Variants in EIF4A2 observed in about 807,000 individuals in gnomAD.
EIF4A2 encodes the protein eukaryotic translation initiation factor 4A2.
In EIF4A2, 9 loss-of-function variants were observed where a neutral mutation model predicts 50.6. The observed-to-expected ratio is 0.18, with a 90% CI of 0.11 to 0.31. The LOEUF (loss-of-function observed/expected upper bound fraction) is 0.31, where lower values mean the gene tolerates loss of function less well. EIF4A2 is among the 10% of genes least tolerant of loss of function. The pLI is 1.00. For synonymous variants in EIF4A2, 215 were observed against 164.4 expected (o/e 1.31, Z -2.35); for missense variants, 182 against 501.8 (o/e 0.36, Z 6.09).
chr3:186,786,328 G>T, intron 6 of EIF4A2, 55 bp downstream of exon 6: 1 of 1,557,156 alleles, frequency 6.4e-7, no homozygotes. Flanking sequence ...ATTTAATGCA[G>T]GTACTGTTAC....
intron 4 of EIF4A2, chr3:186,785,622 A>G: frequency 2.3e-6 from 1 of 440,086 alleles, no homozygotes. Context: ...ACAGTGAAGA[A>G]TAATGTAGGA....
At position 186,786,230 on chromosome 3, in the gene EIF4A2, A is replaced by T. The variant is rs1248522662; in HGVS notation, c.584A>T (p.Asp195Val). The change falls in exon 6 of 11, where the codon GAT (aspartate) becomes GTT (valine). Residue 195 changes from aspartate to valine, a missense_variant. By Grantham distance (152) the Asp-to-Val change is radical (BLOSUM62 -3). Around this residue, in one of 7 missense-constraint regions of EIF4A2, gnomAD observed 113 missense variants for 357.3 expected, o/e 0.32. Transcript: ENST00000323963. ...GAAATGTTGAGCCGTGGTTTTAAGG[A>T]TCAAATCTATGAGATTTTCCAAAAA... Reference protein sequence around the residue: ...ADEMLSRGFKDQIYEIFQKLN... With the variant: ...ADEMLSRGFKVQIYEIFQKLN... 1 of 1,613,838 alleles carries T rather than the reference A, an allele frequency of 6.2e-7. No individual in the cohort carries two copies. The highest frequency in any genetic ancestry group is 8.5e-7 in the Non-Finnish European group (1 of 1,179,958).
At chr3:186,785,662 C>T (rs180726206) in intron 4 of EIF4A2, 9 of 507,824 alleles carry the variant, frequency 1.8e-5, no homozygotes, top group Admixed American at 6.6e-5. Context: ...CTAGCTGATG[C>T]GTGGAGCAGC....
In EIF4A2 at chr3:186,784,553, C is replaced by T; in HGVS notation, c.76-11C>T. The T allele has an allele frequency of 6.2e-7, 1 of 1,614,132 alleles. No individual in the cohort carries two copies. Among genetic ancestry groups the T allele is most frequent in the Non-Finnish European group, 8.5e-7 (1 of 1,180,002 alleles). The stretch of plus-strand genomic sequence containing the variant: ...CTCATTTATGCGTGCATTATTTTTT[C>T]TAACTTACAGAGCAACTGGAATGAG... On this transcript the variant is annotated splice_polypyrimidine_tract_variant and intron_variant, in intron 2 of 10. Transcript: ENST00000323963.
chr3:186,788,706 T>C (rs1189725589), intron 10 of EIF4A2: 2 of 232,978 alleles, frequency 8.6e-6, no homozygotes, highest in East Asian at 1.1e-4. Context: ...AGTTAACCTT[T>C]GCAGCATTTG....
intron 1 of EIF4A2, chr3:186,784,131 C>G (rs1474174504): frequency 1.4e-5 from 7 of 513,792 alleles, no homozygotes; most frequent in Non-Finnish European, 2.1e-5. Flanking sequence ...CCGCTCCGCC[C>G]GCGTCAATCA....
In EIF4A2 at chr3:186,789,370, C is replaced by G. The variant is rs753529473; in HGVS notation, c.*101C>G. On this transcript the variant is annotated 3_prime_UTR_variant, in exon 11 of 11. Coordinates refer to ENST00000323963, the MANE Select transcript of EIF4A2 (RefSeq NM_001967.4). ...CTTTGGGAATATTTGAATCTTGTCT[C>G]AATGCTCATAACGGATCAGAAATAC... is the stretch of plus-strand genomic sequence containing the variant. The G allele has an allele frequency of 6.8e-7, 1 of 1,474,288 alleles. No individual in the cohort carries two copies. Among genetic ancestry groups the G allele is most frequent in the African/African-American group, 1.4e-5 (1 of 70,614 alleles). 91.3% of individuals were successfully genotyped at this position (1,474,288 alleles called of 1,614,324 possible).
chr3:186,788,387 G>A lies in EIF4A2; in HGVS notation c.1079+505G>A, dbSNP rs1721896448. The stretch of plus-strand genomic sequence containing the variant: ...TAATTTAGGACGTGGAATCATAAGC[G>A]AAACAGCACACTGTTTGAATAAAGA... On this transcript the variant is annotated intron_variant, in intron 10 of 10. Transcript: ENST00000323963. 6.2e-6 allele frequency: 8 copies of A among 1,287,364 alleles called. No individual in the cohort carries two copies. In the South Asian group the frequency reaches 8.7e-5, roughly 14 times the overall value. 79.7% of individuals were successfully genotyped at this position (1,287,364 alleles called of 1,614,324 possible). A position where few individuals can be genotyped will look rare whatever the true frequency, so the allele number is the denominator to read the frequency against.
chr3:186,785,251 T>A (rs1721622960), intron 4 of EIF4A2, 150 bp downstream of exon 4: 1 of 1,190,504 alleles, frequency 8.4e-7, no homozygotes, highest in Non-Finnish European at 1.2e-6. Context: ...TGTTGAAAGT[T>A]TTAAAAGAAC....
chr3:186,789,709 A>C lies in EIF4A2; in HGVS notation c.*440A>C, dbSNP rs1722002803. The C allele has an allele frequency of 2.6e-6, 1 of 390,186 alleles. No homozygotes were observed. The highest frequency in any genetic ancestry group is 4.1e-5 in the East Asian group (1 of 24,386). 24.2% of individuals were successfully genotyped at this position (390,186 alleles called of 1,614,324 possible). On this transcript the variant is annotated 3_prime_UTR_variant, in exon 11 of 11. Coordinates refer to ENST00000323963, the MANE Select transcript of EIF4A2 (RefSeq NM_001967.4). The stretch of plus-strand genomic sequence containing the variant: ...GGCCTTTAAAATTTTTTTAGAAAGC[A>C]TTTGAATGCATTTTGTTTGGTATTG...
intron 4 of EIF4A2, chr3:186,785,456 C>T (rs1366578396): frequency 1.8e-5 from 6 of 332,440 alleles, no homozygotes; most frequent in Non-Finnish European, 3.3e-5. Flanking sequence ...GTTTTCAAAG[C>T]TCACTGCTAT....
intron 10 of EIF4A2, 88 bp from the exon 11 acceptor site, chr3:186,789,037 A>G (rs375710398): frequency 3.4e-5 from 50 of 1,486,074 alleles, no homozygotes; most frequent in Middle Eastern, 3.6e-4. Flanking sequence ...ATAAGTAAAC[A>G]GCAGCTGGTG....
rs900864955 is a variant in EIF4A2 at position 186,789,843 on chromosome 3, T to C, written c.*574T>C. ...TTTAATCCCCAGTAAAATTGCCATA[T>C]TGCACATGTCTTAATGAAGTTTGAA... On this transcript the variant is annotated 3_prime_UTR_variant, in exon 11 of 11. Coordinates refer to ENST00000323963, the MANE Select transcript of EIF4A2 (RefSeq NM_001967.4). 20 of 697,236 alleles carry C rather than the reference T, an allele frequency of 2.9e-5. No homozygotes were observed. The African/African-American group carries it at 3.4e-4, about 12-fold the overall frequency. The allele number at this position is 697,236 out of a possible 1,614,324, so 43.2% of individuals were successfully genotyped here.
chr3:186,784,394 C>G (rs763582290), intron 1 of EIF4A2, 38 bp from the exon 2 acceptor site: 1 of 1,614,090 alleles, frequency 6.2e-7, no homozygotes, highest in Non-Finnish European at 8.5e-7. Context: ...TTGAGGTGGC[C>G]TGGAAGGGGT....
Position 186,787,794 on chromosome 3 carries a change from G to GTGT in EIF4A2, c.1000-7_1000-5dup. The GTGT allele has an allele frequency of 6.2e-7, 1 of 1,613,968 alleles. No individual in the cohort carries two copies. Among genetic ancestry groups the GTGT allele is most frequent in the Non-Finnish European group, 8.5e-7 (1 of 1,179,950 alleles). On this transcript the variant is annotated splice_polypyrimidine_tract_variant and intron_variant, in intron 9 of 10. Coordinates refer to ENST00000323963, the MANE Select transcript of EIF4A2 (RefSeq NM_001967.4). ...GAATCAATTTTTAAAACATGCCATT[G>GTGT]TGTTTCAGGCTCGCGGGATTGATGT...
intron 7 of EIF4A2, 186 bp from the exon 8 acceptor site, chr3:186,786,941 T>G: frequency 1.0e-6 from 1 of 964,460 alleles, no homozygotes; most frequent in East Asian, 2.4e-5. Flanking sequence ...CCAATTTTGG[T>G]ATTTTGGGTA....
intron 4 of EIF4A2, 119 bp downstream of exon 4, chr3:186,785,220 T>A: frequency 7.0e-7 from 1 of 1,438,076 alleles, no homozygotes; most frequent in African/African-American, 1.4e-5. Flanking sequence ...CTTTTAATTG[T>A]CCATGCATGC....
chr3:186,785,056 G>A lies in EIF4A2; in HGVS notation c.303G>A (p.Glu101=), dbSNP rs2108455543. 1.2e-6 allele frequency: 2 copies of A among 1,614,140 alleles called. No individual in the cohort carries two copies. Among genetic ancestry groups the A allele is most frequent in the Non-Finnish European group, 8.5e-7 (1 of 1,180,026 alleles). The change falls in exon 4 of 11, where the codon GAG becomes GAA. Residue 101 remains glutamate (E), a synonymous_variant. Coordinates refer to ENST00000323963, the MANE Select transcript of EIF4A2 (RefSeq NM_001967.4). ...ILQQLEIEFK[E]TQALVLAPTR... ...AACAGTTGGAGATTGAGTTCAAGGA[G>A]ACCCAAGCACTAGTATTGGCCCCCA...
In EIF4A2 at chr3:186,788,493, A is replaced by G. The variant is rs1721906560; in HGVS notation, c.1079+611A>G. On this transcript the variant is annotated intron_variant, in intron 10 of 10. Coordinates refer to ENST00000323963, the MANE Select transcript of EIF4A2 (RefSeq NM_001967.4). ...TGCTCCAGCTAAGGCATTTTTTTGT[A>G]TTAGTATTTCTATTAGGGAACCTTT... 4 of 1,162,148 alleles carry G rather than the reference A, an allele frequency of 3.4e-6. No individual in the cohort carries two copies. The South Asian group carries it at 4.7e-5, about 14-fold the overall frequency. 72.0% of individuals were successfully genotyped at this position (1,162,148 alleles called of 1,614,324 possible).
Sources: gnomAD v4.1 joint callset for allele counts on GRCh38, gnomAD v4.1.1 for gene constraint, gnomAD v4.1.1 regional missense constraint, MANE v1.5 for transcripts, NCBI Gene and HGNC (gene_info 2026-07-23, HGNC 2026-07-21) for gene names.